NEK11: variants seen among roughly 807,000 people sequenced by gnomAD.
NEK11 encodes the protein serine/threonine-protein kinase Nek11.
NEK11 carries 72 observed loss-of-function variants against 80.7 expected under a neutral mutation model. That is an observed-to-expected ratio of 0.89 (90% CI 0.74 to 1.08). The LOEUF (loss-of-function observed/expected upper bound fraction) is 1.08, where lower values mean the gene tolerates loss of function less well. Ranked by LOEUF, NEK11 falls within the 50% of genes least tolerant of loss-of-function variation. The probability of loss-of-function intolerance (pLI) is 0.00; values close to 1 mark genes in which losing one functional copy is unlikely to be tolerated. For missense variants in NEK11, 764 were observed against 763.6 expected (o/e 1.00, Z -0.01); for synonymous variants, 251 against 260.7 (o/e 0.96, Z 0.36).
intron 3 of NEK11, among the ~76,000 whole-genome samples, chr3:131,049,058 C>A (rs1244988866): frequency 6.6e-6 from 1 of 152,118 alleles, no homozygotes; most frequent in African/African-American, 2.4e-5. Flanking sequence ...ACTAGTATAG[C>A]CTTTTCTAAT....
chr3:131,080,039 TTGTG>T (rs34144326), intron 3 of NEK11, among the ~76,000 whole-genome samples: 78 of 148,928 alleles, frequency 5.2e-4, no homozygotes, highest in Admixed American at 1.2e-3. Flanking sequence ...GTGTGTGTGT[TTGTG>T]TGTGTGTGTG....
chr3:131,181,569 A>AC (rs2093346762), intron 14 of NEK11, among the ~76,000 whole-genome samples: 1 of 151,920 alleles, frequency 6.6e-6, no homozygotes, highest in Non-Finnish European at 1.5e-5. Flanking sequence ...ACACGATGAA[A>AC]CCCCATCTCT....
chr3:131,182,458 T>A (rs1445867937), intron 14 of NEK11, among the ~76,000 whole-genome samples: 1 of 152,210 alleles, frequency 6.6e-6, no homozygotes, highest in Admixed American at 6.5e-5. Flanking sequence ...TAGACTTGTC[T>A]CTGATCTTGC....
chr3:131,202,327 T>G (rs1188136696), intron 14 of NEK11, among the ~76,000 whole-genome samples: 2 of 152,040 alleles, frequency 1.3e-5, no homozygotes, highest in Non-Finnish European at 2.9e-5. Context: ...GGTCAGAGGA[T>G]TTCCCTTTCC....
intron 14 of NEK11, among the ~76,000 whole-genome samples, chr3:131,194,973 A>G (rs1327039860): frequency 2.6e-5 from 4 of 152,148 alleles, no homozygotes; most frequent in Admixed American, 1.3e-4. Context: ...CTGAGGTACT[A>G]TTACCAGGCT....
At chr3:131,176,596 A>G (rs556872530) in intron 14 of NEK11, among the ~76,000 whole-genome samples, 14 of 152,344 alleles carry the variant, frequency 9.2e-5, no homozygotes, top group African/African-American at 3.1e-4. Flanking sequence ...TTAATAATTT[A>G]GAGTGTTCCT....
intron 3 of NEK11, among the ~76,000 whole-genome samples, chr3:131,046,335 A>T (rs1167719884): frequency 6.6e-6 from 1 of 152,138 alleles, no homozygotes; most frequent in Non-Finnish European, 1.5e-5. Context: ...TGTTTGTCTG[A>T]AAAAGACTGT....
intron 3 of NEK11, among the ~76,000 whole-genome samples, chr3:131,056,184 C>T (rs923821567): frequency 3.3e-5 from 5 of 152,170 alleles, no homozygotes; most frequent in African/African-American, 1.2e-4. Context: ...CTGTCTGTCT[C>T]TGCCTCATTG....
At chr3:131,088,816 T>A (rs900631386) in intron 4 of NEK11, among the ~76,000 whole-genome samples, 1 of 152,204 alleles carries the variant, frequency 6.6e-6, no homozygotes, top group African/African-American at 2.4e-5. Context: ...TAGAAGCTGG[T>A]TTTTTTCTTG....
chr3:131,102,104 C>T (rs751774886), intron 4 of NEK11, among the ~76,000 whole-genome samples: 8 of 151,980 alleles, frequency 5.3e-5, no homozygotes, highest in Non-Finnish European at 7.4e-5. Flanking sequence ...ACTTTGAGCC[C>T]GTGTGTACCA....
chr3:131,312,430 A>G (rs2096791357), intron 17 of NEK11, among the ~76,000 whole-genome samples: 1 of 152,162 alleles, frequency 6.6e-6, no homozygotes. Context: ...TACAGATGAA[A>G]CAAGTATCTT....
intron 5 of NEK11, among the ~76,000 whole-genome samples, chr3:131,120,214 A>T (rs1024610203): frequency 6.6e-6 from 1 of 152,044 alleles, no homozygotes; most frequent in Admixed American, 6.5e-5. Context: ...TCTGTAAAGG[A>T]TTTTATTTCT....
At chr3:131,038,599 C>G (rs1053675720) in intron 3 of NEK11, among the ~76,000 whole-genome samples, 1 of 152,134 alleles carries the variant, frequency 6.6e-6, no homozygotes, top group South Asian at 2.1e-4. Flanking sequence ...CCTTTTAAGA[C>G]TGAATTGCCA....
In NEK11 at chr3:131,195,004, T is replaced by G. The variant is rs571315845; in HGVS notation, c.1399+24117T>G. The stretch of plus-strand genomic sequence containing the variant: ...AGGCTGCTCATGGTAATGAGCGTGG[T>G]AAGAACCTCCAGTTGCCCAACGCTG... On this transcript the variant is annotated intron_variant, in intron 14 of 17. Transcript: ENST00000383366. Among the ~76,000 whole-genome samples, 3 of 152,274 alleles carry G rather than the reference T, an allele frequency of 2.0e-5. No homozygotes were observed. The South Asian group carries it at 6.2e-4, about 32-fold the overall frequency.
intron 14 of NEK11, among the ~76,000 whole-genome samples, chr3:131,171,789 C>T (rs908396): frequency 0.09 from 13,710 of 152,090 alleles, 1,133 homozygotes; most frequent in East Asian, 0.44. Flanking sequence ...GTCTTGTTCA[C>T]CAGTCTCCCC....
intron 11 of NEK11, among the ~76,000 whole-genome samples, chr3:131,164,612 T>G (rs1470490553): frequency 6.6e-6 from 1 of 151,784 alleles, no homozygotes; most frequent in Non-Finnish European, 1.5e-5. Flanking sequence ...ATTAAAACTG[T>G]TTTTTAATAC....
At chr3:131,317,215 A>G (rs2096849547) in intron 17 of NEK11, among the ~76,000 whole-genome samples, 1 of 152,222 alleles carries the variant, frequency 6.6e-6, no homozygotes, top group Non-Finnish European at 1.5e-5. Context: ...AGCACCAGAT[A>G]TTATGTGAAT....
intron 3 of NEK11, among the ~76,000 whole-genome samples, chr3:131,061,859 C>T (rs886112402): frequency 2.6e-5 from 4 of 152,174 alleles, no homozygotes; most frequent in African/African-American, 9.7e-5. Flanking sequence ...CCTAGGAACT[C>T]CATCGTGCTG....
At chr3:131,340,072 G>C (rs922116079) in intron 17 of NEK11, among the ~76,000 whole-genome samples, 2 of 152,228 alleles carry the variant, frequency 1.3e-5, no homozygotes, top group African/African-American at 2.4e-5. Context: ...TTATCAGGCA[G>C]TGTTATTGGA....
Sources: allele counts gnomAD v4.1 joint callset (sites outside exome capture counted in the v4.1 genomes callset), GRCh38; gene constraint gnomAD v4.1.1; transcripts MANE v1.5; gene names NCBI Gene and HGNC (gene_info 2026-07-23, HGNC 2026-07-21).